Variants in RBMS1 observed in about 807,000 individuals in gnomAD.
The protein encoded by RBMS1 is RNA binding motif single stranded interacting protein 1, also known as RNA-binding motif, single-stranded-interacting protein 1.
RBMS1 carries 17 observed loss-of-function variants against 62.3 expected under a neutral mutation model. That is an observed-to-expected ratio of 0.27 (90% CI 0.19 to 0.41). The LOEUF (loss-of-function observed/expected upper bound fraction) is 0.41. RBMS1 is among the 10% of genes least tolerant of loss of function. The pLI, the probability that RBMS1 is intolerant of heterozygous loss-of-function variation, is 1.00. For missense variants in RBMS1, 334 were observed against 504.5 expected (o/e 0.66, Z 3.24); for synonymous variants, 172 against 170.0 (o/e 1.01, Z -0.09).
At chr2:160,435,191 T>A (rs1683062265) in intron 1 of RBMS1, among the ~76,000 whole-genome samples, 1 of 152,224 alleles carries the variant, frequency 6.6e-6, no homozygotes, top group African/African-American at 2.4e-5. Flanking sequence ...CTACTGGATA[T>A]ACACTCTGTT....
chr2:160,367,135 T>C (rs1409064342), intron 2 of RBMS1, 81 bp downstream of exon 2: 4 of 1,363,844 alleles, frequency 2.9e-6, no homozygotes, highest in African/African-American at 1.4e-5. Context: ...TAAACTTCTC[T>C]TATAATGCAG....
At chr2:160,436,918 A>G (rs987224102) in intron 1 of RBMS1, among the ~76,000 whole-genome samples, 7 of 152,206 alleles carry the variant, frequency 4.6e-5, no homozygotes, top group Non-Finnish European at 1.0e-4. Context: ...TTTGAAGACA[A>G]TGTGTTTAGC....
chr2:160,288,228 T>C (rs1284757126), intron 6 of RBMS1, among the ~76,000 whole-genome samples: 2 of 152,212 alleles, frequency 1.3e-5, no homozygotes, highest in African/African-American at 4.8e-5. Context: ...CTTTGTCTAC[T>C]GTAGAACCAT....
At chr2:160,374,068 G>A (rs543255098) in intron 1 of RBMS1, among the ~76,000 whole-genome samples, 31 of 152,012 alleles carry the variant, frequency 2.0e-4, no homozygotes, top group African/African-American at 7.5e-4. Context: ...AGCCCAGGGG[G>A]TTGAGACCAA....
chr2:160,285,976 T>C (rs1256293662), intron 7 of RBMS1, among the ~76,000 whole-genome samples: 1 of 151,662 alleles, frequency 6.6e-6, no homozygotes, highest in Non-Finnish European at 1.5e-5. Flanking sequence ...CCGCGCATGG[T>C]GGTGGGTGCC....
rs563756527 is a variant in RBMS1, at chr2:160,288,374, CCACT to C, written c.641-1294_641-1291del. On this transcript the variant is annotated intron_variant, in intron 6 of 13. Transcript: ENST00000348849. Reference sequence around the variant, plus strand: ...CTTATTTTATTTCATGATTACCCACCCACTAATGACAGGGTGGAAGCAGTAGTGT... The same window carrying C: ...CTTATTTTATTTCATGATTACCCACCAATGACAGGGTGGAAGCAGTAGTGT... Among the ~76,000 whole-genome samples, 418 of 152,300 alleles carry C rather than the reference CCACT, an allele frequency of 2.7e-3. 1 individual carries two copies. The highest frequency in any genetic ancestry group is 4.6e-3 in the Non-Finnish European group (315 of 68,030).
chr2:160,472,877 G>GA, intron 1 of RBMS1, among the ~76,000 whole-genome samples: 1 of 152,266 alleles, frequency 6.6e-6, no homozygotes, highest in Non-Finnish European at 1.5e-5. Context: ...AATTACAAAT[G>GA]AATGTTCTCT....
At chr2:160,387,457 G>C (rs1180114810) in intron 1 of RBMS1, among the ~76,000 whole-genome samples, 1 of 152,026 alleles carries the variant, frequency 6.6e-6, no homozygotes, top group Admixed American at 6.6e-5. Flanking sequence ...TGAACAAGCA[G>C]AGGCAGGGAG....
chr2:160,378,096 T>A (rs1694093258), intron 1 of RBMS1, among the ~76,000 whole-genome samples: 1 of 152,116 alleles, frequency 6.6e-6, no homozygotes, highest in South Asian at 2.1e-4. Flanking sequence ...CTAGATCACT[T>A]ACTTAGATGT....
intron 2 of RBMS1, among the ~76,000 whole-genome samples, chr2:160,366,537 T>C (rs1490183353): frequency 1.3e-5 from 2 of 152,250 alleles, no homozygotes; most frequent in African/African-American, 4.8e-5. Context: ...GCTCCTTGTT[T>C]TAAAATTAGT....
At chr2:160,454,568 C>A (rs541176983) in intron 1 of RBMS1, among the ~76,000 whole-genome samples, 1 of 151,720 alleles carries the variant, frequency 6.6e-6, no homozygotes, top group South Asian at 2.1e-4. Flanking sequence ...AAGAGTGTCC[C>A]AAAAGAAGGG....
intron 2 of RBMS1, among the ~76,000 whole-genome samples, chr2:160,335,794 C>A (rs1414254795): frequency 2.0e-5 from 3 of 152,148 alleles, no homozygotes. Context: ...GGCACATTTA[C>A]GGATTGGTTC....
At chr2:160,445,479 T>C (rs908584347) in intron 1 of RBMS1, among the ~76,000 whole-genome samples, 2 of 152,046 alleles carry the variant, frequency 1.3e-5, no homozygotes, top group Non-Finnish European at 2.9e-5. Context: ...AGCATTCTGA[T>C]CAGTGAAAGG....
intron 2 of RBMS1, among the ~76,000 whole-genome samples, chr2:160,358,025 T>A (rs1052663659): frequency 6.6e-6 from 1 of 152,122 alleles, no homozygotes; most frequent in Non-Finnish European, 1.5e-5. Context: ...GTGCCAACAA[T>A]CTTCTAAACC....
intron 1 of RBMS1, among the ~76,000 whole-genome samples, chr2:160,398,715 G>A (rs1158612705): frequency 6.6e-6 from 1 of 152,126 alleles, no homozygotes; most frequent in Non-Finnish European, 1.5e-5. Flanking sequence ...GAAAATCCTT[G>A]TAATAGAAAG....
intron 1 of RBMS1, among the ~76,000 whole-genome samples, chr2:160,387,627 AG>A (rs1694653320): frequency 6.6e-6 from 1 of 152,130 alleles, no homozygotes; most frequent in South Asian, 2.1e-4. Context: ...GGTGAGGAAA[AG>A]GGTCAACAAA....
At chr2:160,340,908 T>C (rs1352585780) in intron 2 of RBMS1, among the ~76,000 whole-genome samples, 1 of 152,208 alleles carries the variant, frequency 6.6e-6, no homozygotes, top group Non-Finnish European at 1.5e-5. Flanking sequence ...CCAACTTTTA[T>C]AGACAGTGTC....
intron 1 of RBMS1, among the ~76,000 whole-genome samples, chr2:160,484,240 A>C (rs1466768658): frequency 1.3e-5 from 2 of 152,144 alleles, no homozygotes. Flanking sequence ...TCATGCCTGT[A>C]ATCCCAGCAC....
chr2:160,301,508 G>A (rs1689204899), intron 5 of RBMS1, among the ~76,000 whole-genome samples: 1 of 152,174 alleles, frequency 6.6e-6, no homozygotes, highest in African/African-American at 2.4e-5. Flanking sequence ...AAAAAACAAT[G>A]TAATTTAATT....
Sources: allele counts gnomAD v4.1 joint callset (sites outside exome capture counted in the v4.1 genomes callset), GRCh38; gene constraint gnomAD v4.1.1; transcripts MANE v1.5; gene names NCBI Gene and HGNC (gene_info 2026-07-23, HGNC 2026-07-21).